Variants in MYRIP observed in about 807,000 individuals in gnomAD.
MYRIP encodes the protein myosin VIIA and Rab interacting protein.
In MYRIP, 49 loss-of-function variants were observed where a neutral mutation model predicts 98.0. That is an observed-to-expected ratio of 0.50 (90% CI 0.40 to 0.63). The LOEUF is 0.63. MYRIP is among the 30% of genes least tolerant of loss of function. MYRIP has a pLI of 0.00. For missense variants in MYRIP, 1,004 were observed against 1,058.2 expected (o/e 0.95, Z 0.71); for synonymous variants, 404 against 409.5 (o/e 0.99, Z 0.16).
At chr3:39,889,290 C>A (rs1943412022) in intron 1 of MYRIP, among the ~76,000 whole-genome samples, 1 of 152,118 alleles carries the variant, frequency 6.6e-6, no homozygotes, top group Non-Finnish European at 1.5e-5. Context: ...AAATGTCCAA[C>A]AACGATAGAC....
intron 3 of MYRIP, among the ~76,000 whole-genome samples, chr3:40,148,410 G>A (rs1950052121): frequency 2.0e-5 from 3 of 151,542 alleles, no homozygotes; most frequent in Non-Finnish European, 2.9e-5. Context: ...CTTCCTTTTT[G>A]GAATTCTGTT....
intron 2 of MYRIP, among the ~76,000 whole-genome samples, chr3:39,968,278 T>A (rs1945490934): frequency 6.6e-6 from 1 of 151,800 alleles, no homozygotes; most frequent in African/African-American, 2.4e-5. Context: ...CTCCACCTCC[T>A]GGGCATGCCT....
intron 2 of MYRIP, among the ~76,000 whole-genome samples, chr3:39,994,270 A>G (rs1256673602): frequency 6.6e-6 from 1 of 152,266 alleles, no homozygotes; most frequent in Non-Finnish European, 1.5e-5. Flanking sequence ...GCAAGGGGTC[A>G]GGGAATTCAC....
chr3:40,245,747 ATTT>A (rs539410162), intron 13 of MYRIP, among the ~76,000 whole-genome samples: 2 of 95,844 alleles, frequency 2.1e-5, no homozygotes, highest in Admixed American at 1.3e-4. Context: ...TGGTTTGCTG[ATTT>A]TTTTTTTTTT....
chr3:40,234,706 A>G (rs575345179), intron 12 of MYRIP, among the ~76,000 whole-genome samples: 2 of 152,276 alleles, frequency 1.3e-5, no homozygotes, highest in African/African-American at 4.8e-5. Context: ...AGATACCAAC[A>G]AAATCTGGCC....
At chr3:40,185,101 A>C (rs1575605675) in intron 9 of MYRIP, among the ~76,000 whole-genome samples, 1 of 152,286 alleles carries the variant, frequency 6.6e-6, no homozygotes, top group South Asian at 2.1e-4. Flanking sequence ...AGCGTTCCGA[A>C]GGTGGAGGTC....
At chr3:39,875,204 T>A (rs1338289257) in intron 1 of MYRIP, among the ~76,000 whole-genome samples, 2 of 152,228 alleles carry the variant, frequency 1.3e-5, no homozygotes, top group Non-Finnish European at 2.9e-5. Context: ...TATCATTTTT[T>A]ATTGCATCTA....
At chr3:39,900,977 G>C in intron 2 of MYRIP, 51 bp downstream of exon 2, 1 of 1,398,968 alleles carries the variant, frequency 7.1e-7, no homozygotes. Context: ...ATGTGGACAA[G>C]CGTAACAGGT....
At chr3:39,811,624 A>G (rs1189542951) in intron 1 of MYRIP, among the ~76,000 whole-genome samples, 1 of 151,740 alleles carries the variant, frequency 6.6e-6, no homozygotes, top group Admixed American at 6.6e-5. Context: ...TCTGTGGGCC[A>G]GAAGCTGTGT....
At chr3:39,994,801 C>T (rs906686438) in intron 2 of MYRIP, among the ~76,000 whole-genome samples, 1 of 152,224 alleles carries the variant, frequency 6.6e-6, no homozygotes, top group Non-Finnish European at 1.5e-5. Flanking sequence ...TAGGGGCAGA[C>T]TGACACCTCA....
rs1051865346 is a variant in MYRIP at position 40,190,401 on chromosome 3, G to A, written c.1603G>A (p.Glu535Lys). Residue 535 changes from glutamate (E) to lysine (K), a missense_variant, in exon 10 of 17, where the codon GAA becomes AAA. By Grantham distance (56) the Glu-to-Lys change is moderately conservative. Coordinates refer to ENST00000302541, the MANE Select transcript of MYRIP (RefSeq NM_015460.4). ...RRWRRARLGS[E>K]EPSKEPSSPS... is the part of the protein sequence containing the mutation. Reference sequence around the variant, plus strand: ...GTGGAGAAGAGCCCGACTGGGCTCAGAAGAGCCAAGCAAAGAACCATCTTC... The same window carrying A: ...GTGGAGAAGAGCCCGACTGGGCTCAAAAGAGCCAAGCAAAGAACCATCTTC... 2.5e-6 allele frequency: 4 copies of A among 1,613,126 alleles called. No individual in the cohort carries two copies. Among genetic ancestry groups the A allele is most frequent in the Non-Finnish European group, 3.4e-6 (4 of 1,179,636 alleles).
chr3:39,932,874 C>T (rs1343929416), intron 2 of MYRIP, among the ~76,000 whole-genome samples: 2 of 152,136 alleles, frequency 1.3e-5, no homozygotes, highest in Admixed American at 1.3e-4. Context: ...CAGAGATGTG[C>T]TTAAACTTTC....
chr3:39,891,871 A>T (rs1943496794), intron 1 of MYRIP, among the ~76,000 whole-genome samples: 1 of 151,756 alleles, frequency 6.6e-6, no homozygotes, highest in Non-Finnish European at 1.5e-5. Context: ...TTTTAGGACT[A>T]CTAACCATTT....
chr3:40,137,358 C>T (rs1949802207), intron 3 of MYRIP, among the ~76,000 whole-genome samples: 1 of 152,156 alleles, frequency 6.6e-6, no homozygotes, highest in African/African-American at 2.4e-5. Flanking sequence ...TCTGAATAGA[C>T]CAATAACAGG....
At position 39,974,059 on chromosome 3, in the gene MYRIP, C is replaced by A. The variant is rs147926254; in HGVS notation, c.111-69991C>A. Among the ~76,000 whole-genome samples, 1,162 of 151,134 alleles carry A rather than the reference C, an allele frequency of 7.7e-3. 9 individuals are homozygous for A. The highest frequency in any genetic ancestry group is 0.027 in the African/African-American group (1,115 of 41,320). ...AGAAATAACTAAGATCAGAGCAGAA[C>A]TGAAGGAAATAGAGACACAAAAAAC... On this transcript the variant is annotated intron_variant, in intron 2 of 16. Transcript: ENST00000302541.
intron 1 of MYRIP, among the ~76,000 whole-genome samples, chr3:39,871,209 A>C (rs1385795367): frequency 6.6e-6 from 1 of 152,190 alleles, no homozygotes; most frequent in Non-Finnish European, 1.5e-5. Context: ...ACATTATAGA[A>C]CACAGTGCTT....
intron 2 of MYRIP, among the ~76,000 whole-genome samples, chr3:40,007,171 C>T (rs1039768047): frequency 6.6e-6 from 1 of 152,178 alleles, no homozygotes; most frequent in Non-Finnish European, 1.5e-5. Flanking sequence ...GAGGCAGCCT[C>T]ATTTTTGTCA....
intron 2 of MYRIP, among the ~76,000 whole-genome samples, chr3:39,984,276 G>A (rs1945973716): frequency 1.3e-5 from 2 of 151,454 alleles, no homozygotes; most frequent in Admixed American, 6.6e-5. Flanking sequence ...TGCACATTGT[G>A]CAGGTTAGTT....
intron 1 of MYRIP, among the ~76,000 whole-genome samples, chr3:39,882,549 G>T (rs748958247): frequency 5.3e-5 from 8 of 152,120 alleles, no homozygotes; most frequent in Non-Finnish European, 1.2e-4. Context: ...ATATGACTTT[G>T]AATAATTTTA....
Sources: gnomAD v4.1 joint callset for allele counts (sites outside exome capture counted in the v4.1 genomes callset) on GRCh38, gnomAD v4.1.1 for gene constraint, MANE v1.5 for transcripts, NCBI Gene and HGNC (gene_info 2026-07-23, HGNC 2026-07-21) for gene names.